Variants in KHDRBS2 observed in about 807,000 individuals in gnomAD.
KHDRBS2 encodes the protein KH RNA binding domain containing, signal transduction associated 2, also known as KH domain-containing, RNA-binding, signal transduction-associated protein 2.
A neutral mutation model predicts 44.3 loss-of-function variants in KHDRBS2; 26 were observed. The observed-to-expected ratio is 0.59, with a 90% confidence interval of 0.43 to 0.81. The LOEUF is 0.81. Ranked by LOEUF, KHDRBS2 falls within the 40% of genes least tolerant of loss-of-function variation. The pLI, the probability that KHDRBS2 is intolerant of heterozygous loss-of-function variation, is 0.00. For synonymous variants in KHDRBS2, 194 were observed against 151.1 expected (o/e 1.28, Z -2.08); for missense variants, 476 against 433.1 (o/e 1.10, Z -0.88).
intron 2 of KHDRBS2, among the ~76,000 whole-genome samples, chr6:62,138,806 G>A (rs1222586655): frequency 2.6e-5 from 4 of 152,298 alleles, no homozygotes; most frequent in African/African-American, 7.2e-5. Context: ...AACTATATGT[G>A]TTGCTATTAT....
At chr6:61,663,127 A>C in the KHDRBS2 span, among the ~76,000 whole-genome samples, 2 of 151,150 alleles carry the variant, frequency 1.3e-5, no homozygotes, top group African/African-American at 4.9e-5. Context: ...GGAAACCATC[A>C]TTCTAAGCAA....
chr6:62,143,092 T>C (rs1164798321), intron 2 of KHDRBS2, among the ~76,000 whole-genome samples: 1 of 151,936 alleles, frequency 6.6e-6, no homozygotes, highest in South Asian at 2.1e-4. Flanking sequence ...AAGCTAATTA[T>C]AACATAATTG....
chr6:61,564,460 C>T, the KHDRBS2 span, among the ~76,000 whole-genome samples: 1 of 152,088 alleles, frequency 6.6e-6, no homozygotes, highest in Non-Finnish European at 1.5e-5. Flanking sequence ...TTCCCTTTTG[C>T]TTCTTTTGTT....
intron 2 of KHDRBS2, among the ~76,000 whole-genome samples, chr6:62,125,347 G>A (rs1808712964): frequency 6.6e-6 from 1 of 152,172 alleles, no homozygotes; most frequent in Non-Finnish European, 1.5e-5. Flanking sequence ...GTCAGAACCT[G>A]AGTTTCAGTA....
chr6:62,055,829 G>A (rs927356787), intron 2 of KHDRBS2, among the ~76,000 whole-genome samples: 13 of 152,024 alleles, frequency 8.6e-5, no homozygotes, highest in African/African-American at 3.1e-4. Flanking sequence ...ATTATTCCTC[G>A]CAAGTCATAG....
chr6:61,646,605 G>A, the KHDRBS2 span, among the ~76,000 whole-genome samples: 1 of 152,106 alleles, frequency 6.6e-6, no homozygotes, highest in Non-Finnish European at 1.5e-5. Flanking sequence ...TTATAAAGTT[G>A]TGAAGAACAT....
At chr6:62,090,028 A>G (rs1799203393) in intron 2 of KHDRBS2, among the ~76,000 whole-genome samples, 1 of 152,190 alleles carries the variant, frequency 6.6e-6, no homozygotes, top group African/African-American at 2.4e-5. Flanking sequence ...GTGGAATAAA[A>G]CTGCTCAAGG....
chr6:62,168,970 C>A (rs1315436559), intron 2 of KHDRBS2, among the ~76,000 whole-genome samples: 1 of 139,164 alleles, frequency 7.2e-6, no homozygotes, highest in African/African-American at 2.7e-5. Flanking sequence ...GTATATTCAA[C>A]AATGAAACAT....
intron 2 of KHDRBS2, among the ~76,000 whole-genome samples, chr6:62,153,304 T>C (rs2150106983): frequency 6.6e-6 from 1 of 152,300 alleles, no homozygotes; most frequent in African/African-American, 2.4e-5. Flanking sequence ...AATTCCTTAA[T>C]GTCTGTTTAT....
At chr6:61,976,612 C>T (rs1275378260) in intron 4 of KHDRBS2, among the ~76,000 whole-genome samples, 2 of 152,074 alleles carry the variant, frequency 1.3e-5, no homozygotes, top group East Asian at 3.9e-4. Context: ...CTTTCATATG[C>T]ATTACCCCAT....
intron 3 of KHDRBS2, among the ~76,000 whole-genome samples, chr6:62,022,124 A>G (rs915119454): frequency 6.6e-6 from 1 of 151,422 alleles, no homozygotes; most frequent in African/African-American, 2.4e-5. Flanking sequence ...AGGATTTAAC[A>G]TTGAAAGTAG....
chr6:61,927,134 T>G (rs1273258302), intron 4 of KHDRBS2, among the ~76,000 whole-genome samples: 1 of 151,932 alleles, frequency 6.6e-6, no homozygotes, highest in Non-Finnish European at 1.5e-5. Flanking sequence ...ATAGGAAAAT[T>G]TCCTTAACTT....
the KHDRBS2 span, among the ~76,000 whole-genome samples, chr6:61,590,343 C>G: frequency 6.6e-6 from 1 of 152,140 alleles, no homozygotes; most frequent in African/African-American, 2.4e-5. Flanking sequence ...TGGGTATTGT[C>G]TCTTGCATAC....
the KHDRBS2 span, among the ~76,000 whole-genome samples, chr6:61,667,007 T>TTC: frequency 6.7e-6 from 1 of 150,198 alleles, no homozygotes; most frequent in Non-Finnish European, 1.5e-5. Context: ...TTTTTTTTTT[T>TTC]CTCAAAAGAA....
chr6:61,699,269 CA>C (rs747303383), intron 7 of KHDRBS2, among the ~76,000 whole-genome samples: 9 of 151,822 alleles, frequency 5.9e-5, no homozygotes, highest in Non-Finnish European at 1.0e-4. Flanking sequence ...AAATAACATG[CA>C]AAAGAGAAAT....
chr6:61,866,894 C>G (rs761712179), intron 6 of KHDRBS2, among the ~76,000 whole-genome samples: 2 of 152,318 alleles, frequency 1.3e-5, no homozygotes, highest in East Asian at 3.9e-4. Flanking sequence ...CTGAGATAAT[C>G]TCAGCCTGGA....
At chr6:61,716,707 C>T (rs1771488661) in intron 7 of KHDRBS2, among the ~76,000 whole-genome samples, 2 of 152,136 alleles carry the variant, frequency 1.3e-5, no homozygotes, top group South Asian at 4.1e-4. Context: ...CACAAACATT[C>T]CTGATTCCTT....
At chr6:61,877,645 C>A (rs530078776) in intron 6 of KHDRBS2, among the ~76,000 whole-genome samples, 1 of 151,778 alleles carries the variant, frequency 6.6e-6, no homozygotes. Context: ...TATTATGCAA[C>A]CGGAGCAAGG....
At chr6:62,021,636 T>C (rs1308419476) in intron 3 of KHDRBS2, among the ~76,000 whole-genome samples, 4 of 151,726 alleles carry the variant, frequency 2.6e-5, no homozygotes, top group Non-Finnish European at 5.9e-5. Flanking sequence ...GTTTATGTTA[T>C]CTAGTTATTC....
Sources: allele counts gnomAD v4.1 joint callset (sites outside exome capture counted in the v4.1 genomes callset), GRCh38; gene constraint gnomAD v4.1.1; transcripts MANE v1.5; gene names NCBI Gene and HGNC (gene_info 2026-07-23, HGNC 2026-07-21).